TTN: variants seen among roughly 807,000 people sequenced by gnomAD.
TTN encodes titin.
A neutral mutation model predicts 3,223.0 loss-of-function variants in TTN; 1,525 were observed. That is an observed-to-expected ratio of 0.47 (90% CI 0.45 to 0.49). The LOEUF is 0.49. TTN is among the 20% of genes least tolerant of loss of function. The probability of loss-of-function intolerance (pLI) is 0.00; values close to 1 mark genes in which losing one functional copy is unlikely to be tolerated. For synonymous variants in TTN, 14,094 were observed against 15,161.0 expected, an observed-to-expected ratio of 0.93 and a Z score of 5.17; for missense variants, 40,786 against 43,424.0, an observed-to-expected ratio of 0.94 and a Z score of 5.40.
chr2:178,590,264 G>A lies in TTN; in HGVS notation c.61461C>T (p.Thr20487=), dbSNP rs769161030. 12 of 1,576,516 alleles carry A rather than the reference G, an allele frequency of 7.6e-6. No individual in the cohort carries two copies. The highest frequency in any genetic ancestry group is 5.3e-5 in the Admixed American group (3 of 56,080). The change falls in exon 304 of 363, where the codon ACC becomes ACT. Residue 20487 remains threonine, a synonymous_variant. Transcript: ENST00000589042. ...TGCGGATAGTTTGGCCTACTCTCAC[G>A]GTAATAACATCACGACAAGTAACAT... ...ELDVTCRDVI[T]VRVGQTIRIL... is the part of the protein sequence containing the mutation.
intron 132 of TTN, 70 bp downstream of exon 132, chr2:178,684,260 C>T: frequency 6.6e-7 from 1 of 1,525,552 alleles, no homozygotes; most frequent in South Asian, 1.2e-5. Flanking sequence ...AACCAGCCCC[C>T]ATAACCAGTG....
intron 152 of TTN, among the ~76,000 whole-genome samples, 164 bp downstream of exon 152, chr2:178,673,469 A>G (rs2067371731): frequency 6.6e-6 from 1 of 151,838 alleles, no homozygotes; most frequent in Admixed American, 6.6e-5. Context: ...ATTCGTTAAC[A>G]TCCTAGAAAA....
At chr2:178,747,430 T>TG (rs1470722835) in intron 47 of TTN, 1 of 1,613,304 alleles carries the variant, frequency 6.2e-7, no homozygotes, top group Non-Finnish European at 8.5e-7. Context: ...CAGATGATGG[T>TG]GGGGTATAAA....
intron 216 of TTN, among the ~76,000 whole-genome samples, 200 bp downstream of exon 216, chr2:178,646,285 G>A (rs1356075726): frequency 6.6e-6 from 1 of 150,586 alleles, no homozygotes; most frequent in Non-Finnish European, 1.5e-5. Context: ...AACAAACAAA[G>A]CATCCAGACA....
At chr2:178,538,475 G>T in intron 354 of TTN, 65 bp downstream of exon 354, 2 of 1,476,506 alleles carry the variant, frequency 1.4e-6, no homozygotes, top group African/African-American at 1.4e-5. Flanking sequence ...ACTTAGTATA[G>T]AGGGGGAATT....
chr2:178,536,633 T>C, intron 356 of TTN, 58 bp from the exon 357 acceptor site: 1 of 1,386,436 alleles, frequency 7.2e-7, no homozygotes, highest in South Asian at 1.6e-5. Context: ...TTATTAAAGC[T>C]TATTTTTTTA....
At chr2:178,647,175 T>C in intron 214 of TTN, 31 bp from the exon 215 acceptor site, 1 of 1,298,614 alleles carries the variant, frequency 7.7e-7, no homozygotes, top group Non-Finnish European at 1.0e-6. Flanking sequence ...TATTTTAGAC[T>C]ATATTTAGAA....
intron 3 of TTN, among the ~76,000 whole-genome samples, chr2:178,801,815 T>A (rs1341222023): frequency 6.6e-6 from 1 of 152,228 alleles, no homozygotes; most frequent in East Asian, 1.9e-4. Context: ...ATATGTCTTA[T>A]TCCTTAAAGG....
In TTN at chr2:178,595,698, T is replaced by A. The variant is rs201541213; in HGVS notation, c.57656A>T (p.Tyr19219Phe). 3.5e-4 allele frequency: 566 copies of A among 1,608,800 alleles called. 1 individual carries two copies. Among genetic ancestry groups the A allele is most frequent in the Non-Finnish European group, 4.5e-4 (532 of 1,177,698 alleles). ...EDDGGSPITN[Y>F]VIEKRESDRR... is the part of the protein sequence containing the mutation. Reference sequence around the variant, plus strand: ...GTCAGATTCACGCTTTTCAATGACATAATTGGTGATTGGAGAGCCTCCATC... The same window carrying A: ...GTCAGATTCACGCTTTTCAATGACAAAATTGGTGATTGGAGAGCCTCCATC... The change falls in exon 295 of 363, where the codon TAT becomes TTT. Residue 19219 changes from tyrosine (Y) to phenylalanine (F), a missense_variant. Transcript: ENST00000589042.
chr2:178,557,336 T>C lies in TTN; in HGVS notation c.87926A>G (p.Glu29309Gly), dbSNP rs1208405934. 1 of 1,613,846 alleles carries C rather than the reference T, an allele frequency of 6.2e-7. No homozygotes were observed. The highest frequency in any genetic ancestry group is 2.2e-5 in the East Asian group (1 of 44,884). The stretch of plus-strand genomic sequence containing the variant: ...AGCATTTTCTGCATACACCCTGAAT[T>C]CATAAATAAGTCCAGCACTGATTGT... ...VTTISAGLIYEFRVYAENAAG... is the reference protein window; with the variant it reads ...VTTISAGLIYGFRVYAENAAG... Residue 29309 changes from glutamate (E) to glycine (G), a missense_variant, in exon 329 of 363, where the codon GAA (glutamate) becomes GGA (glycine). Physicochemically the swap from Glu to Gly is moderately conservative, Grantham distance 98. Coordinates refer to ENST00000589042, the MANE Select transcript of TTN (RefSeq NM_001267550.2).
In TTN at chr2:178,741,727, C is replaced by T. The variant is rs397517825; in HGVS notation, c.11506G>A (p.Val3836Met). 658 of 1,613,740 alleles carry T rather than the reference C, an allele frequency of 4.1e-4. 11 individuals carry two copies. In the South Asian group the frequency reaches 6.8e-3, roughly 17 times the overall value. ...VSNADISMGDVATLSVTVIGI... is the reference protein window; with the variant it reads ...VSNADISMGDMATLSVTVIGI... ...ATGACAGTTACAGACAGTGTAGCCA[C>T]ATCCCCCATGCTTATATCAGCATTT... Residue 3836 changes from valine to methionine, a missense_variant, in exon 48 of 363, where the codon GTG becomes ATG. By Grantham distance (21) the Val-to-Met change is conservative. Coordinates refer to ENST00000589042, the MANE Select transcript of TTN (RefSeq NM_001267550.2).
At chr2:178,794,099 CTG>C (rs2154355759) in intron 8 of TTN, among the ~76,000 whole-genome samples, 1 of 152,328 alleles carries the variant, frequency 6.6e-6, no homozygotes, top group African/African-American at 2.4e-5. Flanking sequence ...TGACTGGTCT[CTG>C]TTTCTCTGGC....
chr2:178,664,384 T>G (rs2065475293), intron 168 of TTN, 76 bp downstream of exon 168: 1 of 1,180,040 alleles, frequency 8.5e-7, no homozygotes, highest in African/African-American at 1.5e-5. Context: ...ATCAAAATAA[T>G]TTTCAAAACT....
Position 178,695,419 on chromosome 2 carries a change from A to C in TTN, c.31208-9T>G. On this transcript the variant is annotated splice_polypyrimidine_tract_variant and intron_variant, in intron 114 of 362. Coordinates refer to ENST00000589042, the MANE Select transcript of TTN (RefSeq NM_001267550.2). ...TTTTCTCTCATGTGATTCTGAAATA[A>C]AAACACAGGAATAAGAAGGGATGCT... The C allele has an allele frequency of 6.2e-7, 1 of 1,611,176 alleles. No individual in the cohort carries two copies. Among genetic ancestry groups the C allele is most frequent in the Non-Finnish European group, 8.5e-7 (1 of 1,177,770 alleles).
Position 178,769,877 on chromosome 2 carries a change from C to A in TTN, c.8704G>T (p.Glu2902Ter). ...EVPETKTASF[E>*]CEVSHFNVPS... ...ACATTGAAGTGGGACACCTCACACTCAAAAGAGGCAGTTTTGGTCTCAGGC... is the reference window on the plus strand; with the variant it reads ...ACATTGAAGTGGGACACCTCACACTAAAAAGAGGCAGTTTTGGTCTCAGGC... The change falls in exon 37 of 363, where the codon GAG (glutamate) becomes TAG (stop). Residue 2902 changes from glutamate (E) to a stop codon, truncating the protein, a stop_gained. Coordinates refer to ENST00000589042, the MANE Select transcript of TTN (RefSeq NM_001267550.2). LOFTEE classifies it high-confidence loss of function. The A allele has an allele frequency of 6.2e-7, 1 of 1,614,078 alleles. No individual in the cohort carries two copies. Among genetic ancestry groups the A allele is most frequent in the South Asian group, 1.1e-5 (1 of 91,076 alleles).
Position 178,647,427 on chromosome 2 carries a change from T to C in TTN, c.40095A>G (p.Glu13365=). ...KVPEKIIPEK[E]VSVPIPAEPE... is the part of the protein sequence containing the mutation. The stretch of plus-strand genomic sequence containing the variant: ...GCTCTGCAGGGATAGGCACAGACAC[T>C]TCCTTTTCTGGGATGATTTTCTCAG... The change falls in exon 214 of 363, where the codon GAA becomes GAG. Residue 13365 remains glutamate, a synonymous_variant. Coordinates refer to ENST00000589042, the MANE Select transcript of TTN (RefSeq NM_001267550.2). 9 of 1,549,752 alleles carry C rather than the reference T, an allele frequency of 5.8e-6. No homozygotes were observed. The highest frequency in any genetic ancestry group is 7.9e-6 in the Non-Finnish European group (9 of 1,146,438).
chr2:178,673,771 T>C (rs1476498158), intron 151 of TTN, 61 bp from the exon 152 acceptor site: 1 of 1,116,850 alleles, frequency 9.0e-7, no homozygotes, highest in Non-Finnish European at 1.3e-6. Flanking sequence ...ACACCACCCA[T>C]ATACCAATAA....
chr2:178,672,034 C>T lies in TTN; in HGVS notation c.35164G>A (p.Val11722Ile), dbSNP rs2067084497. 4 of 1,611,006 alleles carry T rather than the reference C, an allele frequency of 2.5e-6. No homozygotes were observed. Among genetic ancestry groups the T allele is most frequent in the Non-Finnish European group, 3.4e-6 (4 of 1,178,808 alleles). ...EEHRVEKVHR[V>I]IEVFEAEEVE... ...TCTTCAGCCTCAAAAACTTCTATTACCCTATGAACTTTTTCAACTCTGTGT... is the reference window on the plus strand; with the variant it reads ...TCTTCAGCCTCAAAAACTTCTATTATCCTATGAACTTTTTCAACTCTGTGT... Residue 11722 changes from valine (V) to isoleucine (I), a missense_variant, in exon 155 of 363, where the codon GTA becomes ATA. Physicochemically the swap from Val to Ile is conservative, Grantham distance 29. Transcript: ENST00000589042.
chr2:178,698,798 G>A, intron 112 of TTN, 45 bp downstream of exon 112: 2 of 1,512,354 alleles, frequency 1.3e-6, no homozygotes, highest in African/African-American at 2.8e-5. Context: ...AAAAGTTTTG[G>A]CCAAGAAAAA....
Sources: gnomAD v4.1 joint callset for allele counts (sites outside exome capture counted in the v4.1 genomes callset) on GRCh38, gnomAD v4.1.1 for gene constraint, MANE v1.5 for transcripts, NCBI Gene and HGNC (gene_info 2026-07-23, HGNC 2026-07-21) for gene names.